The following USP36 variants were observed in gnomAD, a reference collection of about 807,000 sequenced individuals.
The protein encoded by USP36 is ubiquitin carboxyl-terminal hydrolase 36.
Under a neutral mutation model 111.5 loss-of-function variants are expected in USP36, and 59 were observed. The observed-to-expected ratio is 0.53, with a 90% CI of 0.43 to 0.66. The LOEUF (loss-of-function observed/expected upper bound fraction) is 0.66, where lower values mean the gene tolerates loss of function less well. Among genes scored for constraint, USP36 ranks in the 30% least tolerant of loss-of-function variants. USP36 has a pLI of 0.00. For missense variants in USP36, 1,488 were observed against 1,468.0 expected (o/e 1.01, Z -0.22); for synonymous variants, 628 against 581.0 (o/e 1.08, Z -1.16).
At chr17:78,837,092 T>C (rs1289321791) in intron 2 of USP36, among the ~76,000 whole-genome samples, 2 of 152,204 alleles carry the variant, frequency 1.3e-5, no homozygotes, top group Non-Finnish European at 2.9e-5. Context: ...GGTAATATTT[T>C]ATATATATTG....
At chr17:78,813,314 G>A (rs979370201) in intron 12 of USP36, among the ~76,000 whole-genome samples, 2 of 152,240 alleles carry the variant, frequency 1.3e-5, no homozygotes, top group African/African-American at 4.8e-5. Context: ...GTACAAAGCA[G>A]CAAAAATGCC....
intron 16 of USP36, 150 bp from the exon 17 acceptor site, chr17:78,802,685 A>G (rs556940361): frequency 1.3e-6 from 1 of 756,180 alleles, no homozygotes; most frequent in East Asian, 2.7e-5. Context: ...CCCCACACGC[A>G]TTAGCGGACG....
rs753693385 is a variant in USP36 at position 78,828,949 on chromosome 17, G to A, written c.534C>T (p.Phe178=). 4.4e-5 allele frequency: 71 copies of A among 1,614,068 alleles called. No homozygotes were observed. The highest frequency in any genetic ancestry group is 3.0e-4 in the South Asian group (27 of 91,090). ...GCTTGATGGCGTTGCCGCTGTTGGCGAAGGCCTGGACAATGTGGTTCTGCA... is the reference window on the plus strand; with the variant it reads ...GCTTGATGGCGTTGCCGCTGTTGGCAAAGGCCTGGACAATGTGGTTCTGCA... ...CVMQNHIVQA[F]ANSGNAIKPV... The change falls in exon 5 of 21, where the codon TTC becomes TTT. Residue 178 remains phenylalanine (F), a synonymous_variant. Coordinates refer to ENST00000449938, the MANE Select transcript of USP36 (RefSeq NM_001385174.1).
At chr17:78,811,130 C>CAAAAAAAAAAAAAAAAAAAAAA (rs969048033) in intron 13 of USP36, among the ~76,000 whole-genome samples, 2 of 28,350 alleles carry the variant, frequency 7.1e-5, no homozygotes, top group African/African-American at 1.3e-4. Flanking sequence ...GACTCTGTCT[C>CAAAAAAAAAAAAAAAAAAAAAA]AAAAAAAAAA....
At chr17:78,792,936 G>A (rs532425343), downstream of USP36, among the ~76,000 whole-genome samples, 7 of 152,130 alleles carry the variant, frequency 4.6e-5, no homozygotes, top group South Asian at 1.2e-3. Context: ...GGCTGGTCTC[G>A]AACTTCTGAC....
At chr17:78,836,841 C>A (rs1239798853) in intron 2 of USP36, among the ~76,000 whole-genome samples, 1 of 151,004 alleles carries the variant, frequency 6.6e-6, no homozygotes, top group African/African-American at 2.4e-5. Flanking sequence ...ACACACACAC[C>A]CACGCAATAA....
At chr17:78,794,815 T>G (rs1479146660), downstream of USP36, among the ~76,000 whole-genome samples, 1 of 151,948 alleles carries the variant, frequency 6.6e-6, no homozygotes, top group African/African-American at 2.4e-5. Context: ...GAGACCAGCC[T>G]GGCCAACATG....
intron 4 of USP36, among the ~76,000 whole-genome samples, chr17:78,831,785 A>T (rs1567968289): frequency 1.3e-5 from 2 of 151,672 alleles, no homozygotes; most frequent in Admixed American, 6.6e-5. Flanking sequence ...CTACCCAAAG[A>T]ATACAAAAAA....
At position 78,798,699 on chromosome 17, in the gene USP36, C is replaced by T. The variant is rs1048395523; in HGVS notation, c.3241-148G>A. ...TCTTCACAATGACCCCTGTGCACGG[C>T]GACCTGCAGTCCCCCTATTGACAAA... On this transcript the variant is annotated intron_variant, in intron 19 of 20. Transcript: ENST00000449938. This position sits in a 1 kb window ranked among gnomAD's most constrained non-coding sequence, Gnocchi z 5.1. 7 of 1,312,240 alleles carry T rather than the reference C, an allele frequency of 5.3e-6. No individual in the cohort carries two copies. The highest frequency in any genetic ancestry group is 1.5e-5 in the African/African-American group (1 of 68,368). The allele number at this position is 1,312,240 out of a possible 1,614,324, so 81.3% of individuals were successfully genotyped here. A position where few individuals can be genotyped will look rare whatever the true frequency, so the allele number is the denominator to read the frequency against.
chr17:78,820,931 T>C, intron 8 of USP36, 60 bp downstream of exon 8: 2 of 1,539,068 alleles, frequency 1.3e-6, no homozygotes, highest in African/African-American at 1.4e-5. Flanking sequence ...CTGCGGGTTC[T>C]GTTTCACCCT....
rs138461758 is a variant in USP36 at position 78,830,072 on chromosome 17, G to A, written c.476-1065C>T. Among the ~76,000 whole-genome samples the A allele has an allele frequency of 4.6e-3, 706 of 152,288 alleles. 1 individual carries two copies. The highest frequency in any genetic ancestry group is 0.016 in the African/African-American group (678 of 41,572). On this transcript the variant is annotated intron_variant, in intron 4 of 20. Coordinates refer to ENST00000449938, the MANE Select transcript of USP36 (RefSeq NM_001385174.1). The stretch of plus-strand genomic sequence containing the variant: ...GGTACATTTTTACCTTTCAAATTAT[G>A]ATGTAAATAAACACTGCTGTGATCG...
rs2093666030 is a variant in USP36 at position 78,798,432 on chromosome 17, G to A, written c.3360C>T (p.Ser1120=). ...CACAGGGGCACAGTCAGCGGCGATA[G>A]CTGAGGCTGGCAGCCTTTGCTGGGT... The part of the protein sequence containing the change: ...VTHPAKAASL[S]YRR The change falls in exon 20 of 21, where the codon AGC becomes AGT. Residue 1120 remains serine (S), a synonymous_variant. Transcript: ENST00000449938. The surrounding 1 kb of genome is among the most constrained non-coding windows in gnomAD (Gnocchi z 5.1). 2 of 1,614,172 alleles carry A rather than the reference G, an allele frequency of 1.2e-6. No individual in the cohort carries two copies. The highest frequency in any genetic ancestry group is 4.5e-5 in the East Asian group (2 of 44,872).
At chr17:78,821,421 T>TATATATATATATATATATATA (rs1491310696) in intron 7 of USP36, 2 of 26,982 alleles carry the variant, frequency 7.4e-5, no homozygotes, top group Admixed American at 5.2e-4. Flanking sequence ...TATATATATA[T>TATATATATATATATATATATA]TTTTTTTTTT....
chr17:78,832,835 G>A (rs1382459994), intron 4 of USP36, among the ~76,000 whole-genome samples: 1 of 152,196 alleles, frequency 6.6e-6, no homozygotes, highest in Middle Eastern at 3.4e-3. Flanking sequence ...TGGAAATAGG[G>A]GCTACAATTA....
intron 13 of USP36, among the ~76,000 whole-genome samples, chr17:78,810,049 A>G (rs1230031378): frequency 6.6e-6 from 1 of 151,802 alleles, no homozygotes; most frequent in East Asian, 1.9e-4. Context: ...GTCTCACCAT[A>G]TTGGCAAGCT....
intron 9 of USP36, 121 bp from the exon 10 acceptor site, chr17:78,818,899 A>G (rs533060372): frequency 9.1e-6 from 9 of 992,882 alleles, no homozygotes; most frequent in Admixed American, 2.2e-5. Flanking sequence ...TTCATCAATG[A>G]GATTTCGACC....
chr17:78,831,948 A>AG (rs1224172875), intron 4 of USP36, among the ~76,000 whole-genome samples: 22 of 151,688 alleles, frequency 1.5e-4, no homozygotes, highest in Middle Eastern at 3.4e-3. Context: ...GTCTCAAAAA[A>AG]AAAAAAAAAA....
intron 6 of USP36, 78 bp downstream of exon 6, chr17:78,827,167 T>TTGCCATAGGAATGTTCTGC (rs1032744343): frequency 9.4e-6 from 14 of 1,482,270 alleles, no homozygotes; most frequent in African/African-American, 1.4e-5. Flanking sequence ...GGGCTGGCTG[T>TTGCCATAGGAATGTTCTGC]TGCCATAGGA....
Position 78,814,394 on chromosome 17 carries a change from C to T in USP36, c.1164+18G>A, listed in dbSNP as rs1164567641. 2 of 1,613,510 alleles carry T rather than the reference C, an allele frequency of 1.2e-6. No individual in the cohort carries two copies. Among genetic ancestry groups the T allele is most frequent in the Non-Finnish European group, 1.7e-6 (2 of 1,179,862 alleles). ...AAACCTGTCCCAGGAGGCAGCTGCA[C>T]TGACACAAGCCTCTCACCTTCACGT... On this transcript the variant is annotated intron_variant, in intron 11 of 20. Coordinates refer to ENST00000449938, the MANE Select transcript of USP36 (RefSeq NM_001385174.1).
Sources: gnomAD v4.1 joint callset for allele counts (sites outside exome capture counted in the v4.1 genomes callset) on GRCh38, gnomAD v4.1.1 for gene constraint, Gnocchi (gnomAD v3.1) non-coding constraint, MANE v1.5 for transcripts, NCBI Gene and HGNC (gene_info 2026-07-23, HGNC 2026-07-21) for gene names.